The following CSRNP3 variants were observed in gnomAD, a reference collection of about 807,000 sequenced individuals.
The protein encoded by CSRNP3 is cysteine/serine-rich nuclear protein 3.
In CSRNP3, 12 loss-of-function variants were observed where a neutral mutation model predicts 48.0. The ratio of observed to expected loss-of-function variants is 0.25; its 90% CI spans 0.16 to 0.41. CSRNP3 has a LOEUF of 0.41. Ranked by LOEUF, CSRNP3 falls within the 10% of genes least tolerant of loss-of-function variation. The probability of loss-of-function intolerance (pLI) is 1.00; values close to 1 mark genes in which losing one functional copy is unlikely to be tolerated. For missense variants in CSRNP3, 580 were observed against 724.4 expected (o/e 0.80, Z 2.29); for synonymous variants, 263 against 269.7 (o/e 0.98, Z 0.24).
intron 1 of CSRNP3, among the ~76,000 whole-genome samples, chr2:165,487,901 C>T (rs1161952680): frequency 1.2e-4 from 17 of 141,486 alleles, no homozygotes; most frequent in Non-Finnish European, 2.5e-4. Context: ...TGAGCAAAAT[C>T]ACCAGCTAAC....
intron 2 of CSRNP3, among the ~76,000 whole-genome samples, chr2:165,512,961 C>T (rs968278467): frequency 3.9e-5 from 6 of 152,060 alleles, no homozygotes; most frequent in African/African-American, 2.4e-5. Context: ...AAATATTAGC[C>T]GGGCGTGGTG....
At chr2:165,673,601 C>A (rs768665125) in intron 5 of CSRNP3, among the ~76,000 whole-genome samples, 1 of 152,002 alleles carries the variant, frequency 6.6e-6, no homozygotes, top group African/African-American at 2.4e-5. Flanking sequence ...TTCTTAGGCA[C>A]GAATTGGTTA....
intron 2 of CSRNP3, among the ~76,000 whole-genome samples, chr2:165,517,359 T>A (rs1169037241): frequency 6.6e-6 from 1 of 151,708 alleles, no homozygotes; most frequent in Non-Finnish European, 1.5e-5. Context: ...TCTTAAATCA[T>A]GAATATATAA....
At chr2:165,628,789 G>A (rs960925805) in intron 4 of CSRNP3, among the ~76,000 whole-genome samples, 9 of 152,114 alleles carry the variant, frequency 5.9e-5, no homozygotes, top group East Asian at 3.9e-4. Context: ...TGAGGGGGCC[G>A]GGCACAGTGG....
intron 3 of CSRNP3, among the ~76,000 whole-genome samples, chr2:165,521,584 A>C (rs544122979): frequency 6.6e-6 from 1 of 152,286 alleles, no homozygotes; most frequent in South Asian, 2.1e-4. Flanking sequence ...CCCATGCTCT[A>C]GGTGGCTCTT....
intron 3 of CSRNP3, among the ~76,000 whole-genome samples, chr2:165,523,599 T>C (rs1353115183): frequency 6.6e-6 from 1 of 152,180 alleles, no homozygotes; most frequent in Non-Finnish European, 1.5e-5. Context: ...CATTGTTAAC[T>C]ACATTTTTCT....
rs1687536943 is a variant in CSRNP3 at position 165,681,452 on chromosome 2, C to T, written c.*1699C>T. On this transcript the variant is annotated 3_prime_UTR_variant, in exon 7 of 7. Transcript: ENST00000651982. Reference sequence around the variant, plus strand: ...TTTTATTTAATTGAACTTAAAAATGCTTGATCTAGAGAAAGTCCTCCAGTG... The same window carrying T: ...TTTTATTTAATTGAACTTAAAAATGTTTGATCTAGAGAAAGTCCTCCAGTG... 6.6e-6 allele frequency: 1 copy of T among 151,530 alleles called. No individual in the cohort carries two copies. Among genetic ancestry groups the T allele is most frequent in the Admixed American group, 6.6e-5 (1 of 15,198 alleles). 9.4% of individuals were successfully genotyped at this position (151,530 alleles called of 1,614,324 possible).
intron 2 of CSRNP3, among the ~76,000 whole-genome samples, chr2:165,512,613 T>C (rs1684522635): frequency 6.6e-6 from 1 of 152,228 alleles, no homozygotes; most frequent in Non-Finnish European, 1.5e-5. Context: ...TGTAATAATG[T>C]TTCTTATATT....
At position 165,526,553 on chromosome 2, in the gene CSRNP3, G is replaced by T. The variant is rs529396722; in HGVS notation, c.-24+8592G>T. 5.9e-5 allele frequency among the ~76,000 whole-genome samples: 9 copies of T among 152,226 alleles called. No individual in the cohort carries two copies. In the South Asian group the frequency reaches 1.9e-3, roughly 32 times the overall value. On this transcript the variant is annotated intron_variant, in intron 3 of 6. Coordinates refer to ENST00000651982, the MANE Select transcript of CSRNP3 (RefSeq NM_001172173.2). Reference sequence around the variant, plus strand: ...AATCAAAAACATTTGCTCTATAATGGTCATTTGAAAATATAAAGCTTTGGG... The same window carrying T: ...AATCAAAAACATTTGCTCTATAATGTTCATTTGAAAATATAAAGCTTTGGG...
At chr2:165,503,591 TA>T (rs1220533273) in intron 2 of CSRNP3, among the ~76,000 whole-genome samples, 3 of 152,010 alleles carry the variant, frequency 2.0e-5, no homozygotes, top group Non-Finnish European at 2.9e-5. Flanking sequence ...TTTAGAAGAA[TA>T]TTTTTAAGCT....
chr2:165,479,267 G>GA (rs1331279635), intron 1 of CSRNP3, among the ~76,000 whole-genome samples: 10 of 152,138 alleles, frequency 6.6e-5, no homozygotes, highest in African/African-American at 2.4e-4. Context: ...GTATGTGGGA[G>GA]AAAAAATGTA....
chr2:165,674,200 G>A (rs1048039489), intron 5 of CSRNP3, among the ~76,000 whole-genome samples: 1 of 152,148 alleles, frequency 6.6e-6, no homozygotes, highest in Non-Finnish European at 1.5e-5. Flanking sequence ...TGTGCTACAT[G>A]TGCTGAGGAG....
At chr2:165,560,857 T>C (rs1033427618) in intron 3 of CSRNP3, among the ~76,000 whole-genome samples, 3 of 152,170 alleles carry the variant, frequency 2.0e-5, no homozygotes, top group Non-Finnish European at 4.4e-5. Flanking sequence ...AATCTTTTAG[T>C]GGTATGTCTT....
At chr2:165,555,183 A>T (rs948500186) in intron 3 of CSRNP3, among the ~76,000 whole-genome samples, 36 of 152,062 alleles carry the variant, frequency 2.4e-4, no homozygotes, top group African/African-American at 8.2e-4. Context: ...TCTCCAATGC[A>T]CTTACCACTA....
intron 3 of CSRNP3, 79 bp from the exon 4 acceptor site, chr2:165,594,963 TA>T: frequency 7.6e-7 from 1 of 1,311,910 alleles, no homozygotes. Context: ...AAAAGCCACA[TA>T]AAAATGACTC....
At chr2:165,678,585 G>C (rs1687467891) in intron 6 of CSRNP3, 116 bp from the exon 7 acceptor site, 1 of 1,233,236 alleles carries the variant, frequency 8.1e-7, no homozygotes, top group East Asian at 2.4e-5. Context: ...ATTTGCTCTG[G>C]CATATGTGGA....
At chr2:165,638,595 A>G (rs548293902) in intron 4 of CSRNP3, among the ~76,000 whole-genome samples, 55 of 152,364 alleles carry the variant, frequency 3.6e-4, no homozygotes, top group African/African-American at 1.3e-3. Flanking sequence ...TAATATGCCA[A>G]CAAGTAGTAT....
intron 4 of CSRNP3, among the ~76,000 whole-genome samples, chr2:165,616,853 T>G (rs1287852976): frequency 6.6e-6 from 1 of 152,052 alleles, no homozygotes; most frequent in Non-Finnish European, 1.5e-5. Context: ...TTAAATTTGT[T>G]TTTTTGTTTT....
chr2:165,659,081 G>T (rs187156798), intron 5 of CSRNP3, among the ~76,000 whole-genome samples: 1 of 152,124 alleles, frequency 6.6e-6, no homozygotes, highest in Non-Finnish European at 1.5e-5. Flanking sequence ...ATCAAAAGTC[G>T]TCAAGAGTTT....
Sources: gnomAD v4.1 joint callset for allele counts (sites outside exome capture counted in the v4.1 genomes callset) on GRCh38, gnomAD v4.1.1 for gene constraint, MANE v1.5 for transcripts, NCBI Gene and HGNC (gene_info 2026-07-23, HGNC 2026-07-21) for gene names.